The following TSHZ2 variants were observed in gnomAD, a reference collection of about 807,000 sequenced individuals.
TSHZ2 encodes the protein teashirt zinc finger homeobox 2.
A neutral mutation model predicts 74.4 loss-of-function variants in TSHZ2; 21 were observed. That is an observed-to-expected ratio of 0.28 (90% CI 0.20 to 0.41). The LOEUF is 0.41. Among genes scored for constraint, TSHZ2 ranks in the 10% least tolerant of loss-of-function variants. TSHZ2 has a pLI of 1.00. For missense variants in TSHZ2, 1,244 were observed against 1,293.5 expected, an observed-to-expected ratio of 0.96 and a Z score of 0.59; for synonymous variants, 540 against 515.3, an observed-to-expected ratio of 1.05 and a Z score of -0.65.
intron 2 of TSHZ2, among the ~76,000 whole-genome samples, chr20:53,373,853 C>T (rs978293252): frequency 6.6e-6 from 1 of 152,302 alleles, no homozygotes; most frequent in Non-Finnish European, 1.5e-5. Context: ...ATTACCATTA[C>T]AGTAACAACT....
At chr20:53,471,259 C>T (rs1039913315) in intron 2 of TSHZ2, among the ~76,000 whole-genome samples, 1 of 151,954 alleles carries the variant, frequency 6.6e-6, no homozygotes, top group Non-Finnish European at 1.5e-5. Flanking sequence ...TACTTTAAAA[C>T]CCTTCATGGT....
At chr20:53,235,033 C>T (rs997462721) in intron 1 of TSHZ2, among the ~76,000 whole-genome samples, 24 of 148,716 alleles carry the variant, frequency 1.6e-4, no homozygotes, top group South Asian at 2.1e-4. Context: ...TGTTCACTTT[C>T]AGTCCCCTAG....
intron 1 of TSHZ2, among the ~76,000 whole-genome samples, chr20:53,160,915 A>G (rs1485317567): frequency 1.3e-5 from 2 of 151,940 alleles, no homozygotes; most frequent in African/African-American, 4.8e-5. Flanking sequence ...TAAGGTGCTA[A>G]TAGGCCAGGT....
intron 2 of TSHZ2, among the ~76,000 whole-genome samples, chr20:53,456,964 T>A (rs200920462): frequency 0.056 from 3,611 of 64,058 alleles, 113 homozygotes; most frequent in South Asian, 0.18. Context: ...ACTGTAGCCT[T>A]GTAGTATAGT....
At chr20:53,324,832 C>T (rs571482791) in intron 2 of TSHZ2, among the ~76,000 whole-genome samples, 3 of 152,284 alleles carry the variant, frequency 2.0e-5, no homozygotes, top group East Asian at 1.9e-4. Flanking sequence ...CAAGAGCACC[C>T]GGGATCAGGA....
At chr20:53,131,229 C>T (rs1987093129) in intron 1 of TSHZ2, among the ~76,000 whole-genome samples, 1 of 152,124 alleles carries the variant, frequency 6.6e-6, no homozygotes, top group African/African-American at 2.4e-5. Flanking sequence ...GTGTGCTCCC[C>T]TCCATATTAG....
intron 2 of TSHZ2, among the ~76,000 whole-genome samples, chr20:53,449,439 C>A (rs748949802): frequency 6.6e-6 from 1 of 152,244 alleles, no homozygotes; most frequent in African/African-American, 2.4e-5. Flanking sequence ...CACTATGTGT[C>A]AGGCACCGTT....
At chr20:53,166,225 A>G (rs1418907279) in intron 1 of TSHZ2, among the ~76,000 whole-genome samples, 3 of 152,212 alleles carry the variant, frequency 2.0e-5, no homozygotes, top group East Asian at 1.9e-4. Flanking sequence ...AACATATTCT[A>G]TTAATCAAGT....
At chr20:53,321,566 C>T (rs1269120904) in intron 2 of TSHZ2, among the ~76,000 whole-genome samples, 2 of 151,066 alleles carry the variant, frequency 1.3e-5, no homozygotes, top group African/African-American at 4.9e-5. Context: ...TGCCTGTAAT[C>T]CCAGCTACTT....
At chr20:53,231,232 G>T (rs1193953327) in intron 1 of TSHZ2, among the ~76,000 whole-genome samples, 1 of 152,198 alleles carries the variant, frequency 6.6e-6, no homozygotes, top group African/African-American at 2.4e-5. Flanking sequence ...TTCATATTGT[G>T]ACGGGAGACA....
chr20:53,408,209 C>T (rs1024602022), intron 2 of TSHZ2, among the ~76,000 whole-genome samples: 3 of 152,188 alleles, frequency 2.0e-5, no homozygotes, highest in Non-Finnish European at 2.9e-5. Flanking sequence ...TATCCCTTTC[C>T]GTTCTCCAAG....
intron 2 of TSHZ2, among the ~76,000 whole-genome samples, chr20:53,442,918 C>T (rs2098189823): frequency 6.6e-6 from 1 of 152,240 alleles, no homozygotes. Flanking sequence ...AAGTAAAAAC[C>T]AATTTGCAGT....
chr20:53,419,373 G>A lies in TSHZ2; in HGVS notation c.*9-67771G>A, dbSNP rs946743334. On this transcript the variant is annotated intron_variant, in intron 2 of 2. Transcript: ENST00000371497. ...AGGATCTCCTTTGGAGGGTTGCTATGAGGATGAGAGATAAGGTATGTGTTA... is the reference window on the plus strand; with the variant it reads ...AGGATCTCCTTTGGAGGGTTGCTATAAGGATGAGAGATAAGGTATGTGTTA... Among the ~76,000 whole-genome samples the A allele has an allele frequency of 2.0e-5, 3 of 152,216 alleles. No individual in the cohort carries two copies. In the East Asian group the frequency reaches 5.8e-4, roughly 29 times the overall value.
intron 1 of TSHZ2, among the ~76,000 whole-genome samples, chr20:53,084,282 T>G (rs1280424087): frequency 6.6e-6 from 1 of 152,224 alleles, no homozygotes; most frequent in Non-Finnish European, 1.5e-5. Context: ...CCCTTGGAAT[T>G]ATTTTTGTGT....
At chr20:53,010,282 G>A (rs1005424027) in intron 1 of TSHZ2, among the ~76,000 whole-genome samples, 1 of 152,064 alleles carries the variant, frequency 6.6e-6, no homozygotes, top group Admixed American at 6.6e-5. Flanking sequence ...TGCATCACAT[G>A]GCAGAATGAG....
intron 1 of TSHZ2, among the ~76,000 whole-genome samples, chr20:53,142,944 A>G (rs1421424092): frequency 6.6e-6 from 1 of 152,154 alleles, no homozygotes; most frequent in Admixed American, 6.5e-5. Flanking sequence ...GTCCTGTCAC[A>G]TTGCATTGCT....
intron 1 of TSHZ2, among the ~76,000 whole-genome samples, chr20:53,140,806 G>C (rs900194656): frequency 6.6e-6 from 1 of 152,160 alleles, no homozygotes; most frequent in Admixed American, 6.5e-5. Flanking sequence ...TCTGGGAAGA[G>C]GGAGAGCTTT....
intron 2 of TSHZ2, among the ~76,000 whole-genome samples, chr20:53,272,286 A>G (rs915352529): frequency 1.3e-5 from 2 of 152,120 alleles, no homozygotes; most frequent in African/African-American, 4.8e-5. Flanking sequence ...CTAGGATTAC[A>G]GGCATGAACC....
At chr20:53,386,745 C>T (rs1051091871) in intron 2 of TSHZ2, among the ~76,000 whole-genome samples, 2 of 152,138 alleles carry the variant, frequency 1.3e-5, no homozygotes, top group Admixed American at 6.5e-5. Context: ...CAGAGGCCTG[C>T]TCCCAGAAGG....
Sources: gnomAD v4.1 joint callset for allele counts (sites outside exome capture counted in the v4.1 genomes callset) on GRCh38, gnomAD v4.1.1 for gene constraint, MANE v1.5 for transcripts, NCBI Gene and HGNC (gene_info 2026-07-23, HGNC 2026-07-21) for gene names.